CCDC42: variants seen among roughly 807,000 people sequenced by gnomAD.
CCDC42 encodes the protein coiled-coil domain-containing protein 42.
Under a neutral mutation model 40.8 loss-of-function variants are expected in CCDC42, and 38 were observed. That is an observed-to-expected ratio of 0.93 (90% CI 0.72 to 1.22). The LOEUF is 1.22. CCDC42 is among the 50% of genes most tolerant of loss of function. CCDC42 has a pLI of 0.00. For synonymous variants in CCDC42, 135 were observed against 157.5 expected (o/e 0.86, Z 1.07); for missense variants, 379 against 416.5 (o/e 0.91, Z 0.78).
rs1484248664 is a variant in CCDC42 at position 8,743,642 on chromosome 17, G to C, written c.278C>G (p.Ser93Cys). The C allele has an allele frequency of 1.9e-6, 3 of 1,609,190 alleles. No homozygotes were observed. In the African/African-American group the frequency reaches 4.0e-5, roughly 22 times the overall value. ...CCTTCAAACCTGGATGAACTGCTCA[G>C]ACTTCTGGATGTGAGCCTTCAGTTG... ...EAQLKAHIQKSEQFIQENDQK... is the reference protein window; with the variant it reads ...EAQLKAHIQKCEQFIQENDQK... Residue 93 changes from serine to cysteine, a missense_variant, in exon 3 of 7, where the codon TCT becomes TGT. By Grantham distance (112) the Ser-to-Cys change is moderately radical. Transcript: ENST00000293845.
intron 6 of CCDC42, among the ~76,000 whole-genome samples, chr17:8,731,329 T>C (rs950823867): frequency 6.6e-6 from 1 of 152,152 alleles, no homozygotes; most frequent in Non-Finnish European, 1.5e-5. Context: ...AGTTCAACCA[T>C]TGTGGAAGGC....
chr17:8,743,707 G>T lies in CCDC42; in HGVS notation c.213C>A (p.Thr71=). The change falls in exon 3 of 7, where the codon ACC becomes ACA. Residue 71 remains threonine, a synonymous_variant. Transcript: ENST00000293845. ...CCAGTTCCTCCCAGCGCAGGTTCAGGGTTTCCATTCTGCGCTGAAACATCT... is the reference window on the plus strand; with the variant it reads ...CCAGTTCCTCCCAGCGCAGGTTCAGTGTTTCCATTCTGCGCTGAAACATCT... The part of the protein sequence containing the change: ...KKKMFQRRME[T]LNLRWEELGV... 6.2e-7 allele frequency: 1 copy of T among 1,609,362 alleles called. No homozygotes were observed. Among genetic ancestry groups the T allele is most frequent in the African/African-American group, 1.3e-5 (1 of 74,856 alleles).
rs1197710736 is a variant in CCDC42, at chr17:8,744,227, G to T, written c.84-43C>A. The T allele has an allele frequency of 2.1e-6, 3 of 1,456,786 alleles. No homozygotes were observed. The African/African-American group carries it at 4.2e-5, about 20-fold the overall frequency. 90.2% of individuals were successfully genotyped at this position (1,456,786 alleles called of 1,614,324 possible). A position where few individuals can be genotyped will look rare whatever the true frequency, so the allele number is the denominator to read the frequency against. ...GCGAGAGGGCTGTGTGTTCTGACAT[G>T]GGGTAGGCTGGGGCTGGGAGTAACC... On this transcript the variant is annotated intron_variant, in intron 1 of 6. Coordinates refer to ENST00000293845, the MANE Select transcript of CCDC42 (RefSeq NM_144681.3).
intron 4 of CCDC42, among the ~76,000 whole-genome samples, chr17:8,736,649 G>T (rs1009978534): frequency 2.6e-5 from 4 of 152,178 alleles, no homozygotes; most frequent in African/African-American, 9.7e-5. Flanking sequence ...CCCCAAATAT[G>T]CCTCTTTGGG....
chr17:8,736,365 G>A (rs1330181143), intron 4 of CCDC42, among the ~76,000 whole-genome samples: 1 of 152,204 alleles, frequency 6.6e-6, no homozygotes, highest in Admixed American at 6.5e-5. Flanking sequence ...TGGGGCAGGT[G>A]GCCTGCCAGA....
intron 6 of CCDC42, among the ~76,000 whole-genome samples, chr17:8,732,499 A>C (rs1386273652): frequency 6.6e-6 from 1 of 152,198 alleles, no homozygotes; most frequent in East Asian, 1.9e-4. Context: ...CCCATTTTGC[A>C]AATGAGAAAA....
Position 8,741,678 on chromosome 17 carries a change from C to A in CCDC42, c.295-7G>T. 6.2e-7 allele frequency: 1 copy of A among 1,611,304 alleles called. No individual in the cohort carries two copies. Among genetic ancestry groups the A allele is most frequent in the Non-Finnish European group, 8.5e-7 (1 of 1,179,494 alleles). ...TCCGTTTCTGGTCGTTCTCCTGGGG[C>A]CCGGGGAGGTGGCGCTGGTCAGGAA... On this transcript the variant is annotated splice_region_variant and splice_polypyrimidine_tract_variant and intron_variant, in intron 3 of 6. Coordinates refer to ENST00000293845, the MANE Select transcript of CCDC42 (RefSeq NM_144681.3).
chr17:8,738,099 TAC>T (rs2086622403), intron 4 of CCDC42, among the ~76,000 whole-genome samples: 1 of 152,202 alleles, frequency 6.6e-6, no homozygotes, highest in Admixed American at 6.5e-5. Context: ...GCACTGAGAT[TAC>T]AGGCATGAGC....
rs2086603576 is a variant in CCDC42 at position 8,735,321 on chromosome 17, G to A, written c.715-67C>T. ...TGTGTGTGTGTTTGTGTGTATGTGT[G>A]TGTGTGTATGCTCAGGGCCCGCACT... On this transcript the variant is annotated intron_variant, in intron 5 of 6. Transcript: ENST00000293845. This position sits in a 1 kb window ranked among gnomAD's most constrained non-coding sequence, Gnocchi z 4.7. 6.2e-7 allele frequency: 1 copy of A among 1,610,618 alleles called. No homozygotes were observed. The highest frequency in any genetic ancestry group is 2.2e-5 in the East Asian group (1 of 44,850).
Position 8,735,774 on chromosome 17 carries a change from C to T in CCDC42, c.493-163G>A, listed in dbSNP as rs780432048. 1.3e-5 allele frequency among the ~76,000 whole-genome samples: 2 copies of T among 152,148 alleles called. No homozygotes were observed. Among genetic ancestry groups the T allele is most frequent in the African/African-American group, 2.4e-5 (1 of 41,434 alleles). ...GAGGCTGTGAGGGACACTGGGGTTCCGCTGCCTGCTTCTCCTGGGTTTGTA... is the reference window on the plus strand; with the variant it reads ...GAGGCTGTGAGGGACACTGGGGTTCTGCTGCCTGCTTCTCCTGGGTTTGTA... On this transcript the variant is annotated intron_variant, in intron 4 of 6. Transcript: ENST00000293845. This position sits in a 1 kb window ranked among gnomAD's most constrained non-coding sequence, Gnocchi z 4.7.
intron 6 of CCDC42, among the ~76,000 whole-genome samples, chr17:8,733,349 AC>A (rs781500408): frequency 5.9e-5 from 9 of 152,216 alleles, no homozygotes; most frequent in Non-Finnish European, 1.3e-4. Context: ...TTTTCTAATA[AC>A]TTTTGGGCAA....
chr17:8,744,102 G>A lies in CCDC42; in HGVS notation c.166C>T (p.Gln56Ter). 6.2e-7 allele frequency: 1 copy of A among 1,613,742 alleles called. No homozygotes were observed. Among genetic ancestry groups the A allele is most frequent in the Non-Finnish European group, 8.5e-7 (1 of 1,179,782 alleles). Reference sequence around the variant, plus strand: ...ACCTTCTTCTTCTGCACCATAGTTTGATGCATGATTTCTGTCTCCTTTTTC... The same window carrying A: ...ACCTTCTTCTTCTGCACCATAGTTTAATGCATGATTTCTGTCTCCTTTTTC... ...EKKKETEIMH[Q>*]TMVQKKKMFQ... Residue 56 changes from glutamine to a stop codon, truncating the protein, a stop_gained, in exon 2 of 7, where the codon CAA becomes TAA. Transcript: ENST00000293845. LOFTEE classifies it high-confidence loss of function.
At chr17:8,743,882 A>C in intron 2 of CCDC42, 152 bp from the exon 3 acceptor site, 1 of 668,360 alleles carries the variant, frequency 1.5e-6, no homozygotes, top group Non-Finnish European at 2.6e-6. Flanking sequence ...CCTGGCCCAG[A>C]GCAGAGCATC....
intron 4 of CCDC42, among the ~76,000 whole-genome samples, chr17:8,738,590 G>C (rs1381390788): frequency 6.6e-6 from 1 of 151,092 alleles, no homozygotes; most frequent in Non-Finnish European, 1.5e-5. Context: ...CTCAGCCTCC[G>C]GAGTAGCTGA....
At position 8,744,744 on chromosome 17, in the gene CCDC42, A is replaced by G; in HGVS notation, c.-135T>C. On this transcript the variant is annotated 5_prime_UTR_variant, in exon 1 of 7. Transcript: ENST00000293845. ...GCCTACAGGGTCCCACAGATGATGGAGTTTGAGACTCCACAGAAGGTGGCT... is the reference window on the plus strand; with the variant it reads ...GCCTACAGGGTCCCACAGATGATGGGGTTTGAGACTCCACAGAAGGTGGCT... 1 of 667,868 alleles carries G rather than the reference A, an allele frequency of 1.5e-6. No homozygotes were observed. Among genetic ancestry groups the G allele is most frequent in the South Asian group, 1.7e-5 (1 of 59,318 alleles). 41.4% of individuals were successfully genotyped at this position (667,868 alleles called of 1,614,324 possible). A position where few individuals can be genotyped will look rare whatever the true frequency, so the allele number is the denominator to read the frequency against.
At chr17:8,738,582 C>T (rs1405900703) in intron 4 of CCDC42, among the ~76,000 whole-genome samples, 10 of 151,692 alleles carry the variant, frequency 6.6e-5, no homozygotes, top group Admixed American at 6.6e-4. Context: ...TCTCCTGCCT[C>T]AGCCTCCGGA....
intron 4 of CCDC42, among the ~76,000 whole-genome samples, chr17:8,738,678 G>T (rs927686564): frequency 6.6e-6 from 1 of 151,980 alleles, no homozygotes; most frequent in African/African-American, 2.4e-5. Flanking sequence ...GTTGGCCAGG[G>T]TGGTCTCGAA....
rs1249658913 is a variant in CCDC42 at position 8,735,864 on chromosome 17, T to C, written c.493-253A>G. On this transcript the variant is annotated intron_variant, in intron 4 of 6. Transcript: ENST00000293845. This position sits in a 1 kb window ranked among gnomAD's most constrained non-coding sequence, Gnocchi z 4.7. ...TGGGCTAGGGATTTTCGACTTTAAC[T>C]GCATGTGAGAATCACCTGTAGGGGC... Among the ~76,000 whole-genome samples, 3 of 152,172 alleles carry C rather than the reference T, an allele frequency of 2.0e-5. No individual in the cohort carries two copies. The highest frequency in any genetic ancestry group is 2.0e-4 in the Admixed American group (3 of 15,282).
chr17:8,730,268 T>G, intron 6 of CCDC42, 61 bp from the exon 7 acceptor site: 1 of 1,146,616 alleles, frequency 8.7e-7, no homozygotes, highest in Middle Eastern at 2.0e-4. Flanking sequence ...TGTCCCAAGA[T>G]GGAGCATCCC....
Sources: allele counts gnomAD v4.1 joint callset (sites outside exome capture counted in the v4.1 genomes callset), GRCh38; gene constraint gnomAD v4.1.1; non-coding constraint Gnocchi (gnomAD v3.1); transcripts MANE v1.5; gene names NCBI Gene and HGNC (gene_info 2026-07-23, HGNC 2026-07-21).